The following HACD2 variants were observed in gnomAD, a reference collection of about 807,000 sequenced individuals.
The protein encoded by HACD2 is 3-hydroxyacyl-CoA dehydratase 2.
In HACD2, 15 loss-of-function variants were observed where a neutral mutation model predicts 31.0. The observed-to-expected ratio is 0.48, with a 90% CI of 0.32 to 0.75. HACD2 has a LOEUF of 0.75. Among genes scored for constraint, HACD2 ranks in the 30% least tolerant of loss-of-function variants. HACD2 has a pLI of 0.03. For synonymous variants in HACD2, 115 were observed against 122.2 expected (o/e 0.94, Z 0.39); for missense variants, 283 against 313.0 (o/e 0.90, Z 0.72).
intron 3 of HACD2, among the ~76,000 whole-genome samples, chr3:123,534,245 T>C (rs1291018483): frequency 6.6e-6 from 1 of 152,156 alleles, no homozygotes; most frequent in East Asian, 1.9e-4. Context: ...AAAGACCAGG[T>C]TGACAGTTGA....
chr3:123,503,818 T>A (rs866348814), intron 4 of HACD2, among the ~76,000 whole-genome samples: 2 of 152,000 alleles, frequency 1.3e-5, no homozygotes, highest in South Asian at 4.2e-4. Context: ...CCACTCCTAA[T>A]ATCTAATACA....
intron 4 of HACD2, among the ~76,000 whole-genome samples, chr3:123,512,825 G>A (rs138989355): frequency 1.3e-5 from 2 of 152,270 alleles, no homozygotes; most frequent in East Asian, 3.9e-4. Flanking sequence ...AAATGTGTGT[G>A]AGTGTATATG....
intron 2 of HACD2, among the ~76,000 whole-genome samples, chr3:123,579,767 G>A (rs1576248145): frequency 6.6e-6 from 1 of 152,204 alleles, no homozygotes; most frequent in Middle Eastern, 3.4e-3. Flanking sequence ...ACTGGCCAAG[G>A]TTCTGAAAGA....
At chr3:123,497,835 G>C (rs1175298629) in intron 6 of HACD2, among the ~76,000 whole-genome samples, 1 of 152,212 alleles carries the variant, frequency 6.6e-6, no homozygotes, top group Non-Finnish European at 1.5e-5. Context: ...CGCAACAACA[G>C]ATGAGGCCCA....
rs1438164215 is a variant in HACD2, at chr3:123,494,721, T to C, written c.*167A>G. The C allele has an allele frequency of 1.6e-6, 1 of 639,108 alleles. No homozygotes were observed. Among genetic ancestry groups the C allele is most frequent in the Admixed American group, 3.0e-5 (1 of 33,072 alleles). 39.6% of individuals were successfully genotyped at this position (639,108 alleles called of 1,614,324 possible). ...TTTATGTAACAACCTTTTTCTAAAA[T>C]AAAATCTCAGGCCCATGTGACACTG... On this transcript the variant is annotated 3_prime_UTR_variant, in exon 7 of 7. Transcript: ENST00000383657.
intron 3 of HACD2, among the ~76,000 whole-genome samples, chr3:123,539,171 T>C (rs1403348037): frequency 6.6e-6 from 1 of 152,202 alleles, no homozygotes; most frequent in East Asian, 1.9e-4. Flanking sequence ...TAAGGAAGGC[T>C]ACCTTGCCTT....
chr3:123,507,618 T>C (rs991473109), intron 4 of HACD2, among the ~76,000 whole-genome samples: 1 of 152,082 alleles, frequency 6.6e-6, no homozygotes, highest in Non-Finnish European at 1.5e-5. Context: ...GGGAACTAAT[T>C]ATAAAAGGGC....
Position 123,546,536 on chromosome 3 carries a change from G to A in HACD2, c.293-18062C>T, listed in dbSNP as rs541456221. 2.0e-4 allele frequency among the ~76,000 whole-genome samples: 30 copies of A among 152,332 alleles called. No homozygotes were observed. The South Asian group carries it at 2.1e-3, about 11-fold the overall frequency. On this transcript the variant is annotated intron_variant, in intron 3 of 6. Transcript: ENST00000383657. ...AAGCCTTGCACTTTCTGCCTGGAAT[G>A]TAAACATGACACCATATTAACTCAT...
intron 3 of HACD2, among the ~76,000 whole-genome samples, chr3:123,533,621 C>A (rs2056391623): frequency 6.6e-6 from 1 of 152,208 alleles, no homozygotes; most frequent in South Asian, 2.1e-4. Context: ...TGGAATCTTA[C>A]TAGTAAACTC....
At chr3:123,535,181 T>A (rs2056410639) in intron 3 of HACD2, among the ~76,000 whole-genome samples, 1 of 152,200 alleles carries the variant, frequency 6.6e-6, no homozygotes. Context: ...TCATGGTAAG[T>A]GCCATTTTAA....
At chr3:123,527,845 A>G (rs2056303513) in intron 4 of HACD2, among the ~76,000 whole-genome samples, 1 of 152,216 alleles carries the variant, frequency 6.6e-6, no homozygotes, top group South Asian at 2.1e-4. Flanking sequence ...AGAAGGCATA[A>G]ACAGAAACGT....
In HACD2 at chr3:123,529,099, ATTTTC is replaced by A. The variant is rs543673635; in HGVS notation, c.293-630_293-626del. Among the ~76,000 whole-genome samples, 542 of 151,108 alleles carry A rather than the reference ATTTTC, an allele frequency of 3.6e-3. 3 individuals carry two copies. The highest frequency in any genetic ancestry group is 0.012 in the African/African-American group (504 of 41,080). ...TATAACACTGGAATCATCTTTGATTATTTTCTTTATTTATTTTTTGAGACCGAGTC... is the reference window on the plus strand; with the variant it reads ...TATAACACTGGAATCATCTTTGATTATTTATTTATTTTTTGAGACCGAGTC... On this transcript the variant is annotated intron_variant, in intron 3 of 6. Transcript: ENST00000383657.
intron 4 of HACD2, among the ~76,000 whole-genome samples, chr3:123,513,354 C>T (rs72968511): frequency 6.6e-6 from 1 of 152,086 alleles, no homozygotes; most frequent in Non-Finnish European, 1.5e-5. Context: ...GGAGTCATTC[C>T]CACAAAATAC....
At chr3:123,533,132 T>C (rs778888908) in intron 3 of HACD2, among the ~76,000 whole-genome samples, 3 of 152,218 alleles carry the variant, frequency 2.0e-5, no homozygotes, top group Admixed American at 6.5e-5. Flanking sequence ...ATGTGGAATA[T>C]AGATAGACAA....
rs574076991 is a variant in HACD2 at position 123,494,589 on chromosome 3, A to G, written c.*299T>C. 4.9e-6 allele frequency: 2 copies of G among 407,312 alleles called. No homozygotes were observed. The highest frequency in any genetic ancestry group is 2.4e-5 in the South Asian group (1 of 41,560). The allele number at this position is 407,312 out of a possible 1,614,324, so 25.2% of individuals were successfully genotyped here. ...TTACAGGTCTTCATTGATCAGATAC[A>G]TGAAGGACACAGAAGGACATAAAAT... On this transcript the variant is annotated 3_prime_UTR_variant, in exon 7 of 7. Coordinates refer to ENST00000383657, the MANE Select transcript of HACD2 (RefSeq NM_198402.5).
At chr3:123,550,517 A>C (rs576296978) in intron 3 of HACD2, among the ~76,000 whole-genome samples, 1 of 152,320 alleles carries the variant, frequency 6.6e-6, no homozygotes, top group Non-Finnish European at 1.5e-5. Flanking sequence ...GTGGCAGAGA[A>C]ATGATGTTCC....
intron 5 of HACD2, among the ~76,000 whole-genome samples, chr3:123,501,888 T>C (rs2107680877): frequency 6.6e-6 from 1 of 152,350 alleles, no homozygotes; most frequent in South Asian, 2.1e-4. Context: ...GAACCACTGC[T>C]TTCCTTCCAC....
chr3:123,502,781 G>A lies in HACD2; in HGVS notation c.382-100C>T, dbSNP rs150101428. On this transcript the variant is annotated intron_variant, in intron 4 of 6. Coordinates refer to ENST00000383657, the MANE Select transcript of HACD2 (RefSeq NM_198402.5). ...AGCCAGGGAGTGAGTCGGCACAGCCGCTGGTCTCTATCTTCAGGACCCCTG... is the reference window on the plus strand; with the variant it reads ...AGCCAGGGAGTGAGTCGGCACAGCCACTGGTCTCTATCTTCAGGACCCCTG... 1,080 of 1,261,562 alleles carry A rather than the reference G, an allele frequency of 8.6e-4. 10 individuals carry two copies. The African/African-American group carries it at 0.012, about 14-fold the overall frequency. 78.1% of individuals were successfully genotyped at this position (1,261,562 alleles called of 1,614,324 possible).
chr3:123,505,833 A>G (rs1576731177), intron 4 of HACD2, among the ~76,000 whole-genome samples: 2 of 152,376 alleles, frequency 1.3e-5, no homozygotes, highest in East Asian at 3.9e-4. Flanking sequence ...GAGACTAGTA[A>G]AACTGGCAGG....
Sources: allele counts gnomAD v4.1 joint callset (sites outside exome capture counted in the v4.1 genomes callset), GRCh38; gene constraint gnomAD v4.1.1; transcripts MANE v1.5; gene names NCBI Gene and HGNC (gene_info 2026-07-23, HGNC 2026-07-21).